NSMAF: variants seen among roughly 807,000 people sequenced by gnomAD.
NSMAF encodes neutral sphingomyelinase activation associated factor.
Under a neutral mutation model 134.9 loss-of-function variants are expected in NSMAF, and 90 were observed. The ratio of observed to expected loss-of-function variants is 0.67; its 90% CI spans 0.56 to 0.79. The LOEUF (loss-of-function observed/expected upper bound fraction) is 0.79. NSMAF is among the 30% of genes least tolerant of loss of function. The pLI is 0.00. For synonymous variants in NSMAF, 358 were observed against 389.6 expected (o/e 0.92, Z 0.96); for missense variants, 1,010 against 1,119.0 (o/e 0.90, Z 1.39).
chr8:58,603,750 T>C (rs577152604), intron 12 of NSMAF, among the ~76,000 whole-genome samples: 4 of 152,306 alleles, frequency 2.6e-5, no homozygotes, highest in African/African-American at 9.6e-5. Context: ...TAAAAACCCA[T>C]GGCCATCTGG....
chr8:58,594,262 T>C lies in NSMAF; in HGVS notation c.1921A>G (p.Asn641Asp), dbSNP rs568917392. Residue 641 changes from asparagine to aspartate, a missense_variant, in exon 23 of 31, where the codon AAT becomes GAT. Transcript: ENST00000038176. Reference protein sequence around the residue: ...EAVTGITVSRNGSSVFTTSQD... With the variant: ...EAVTGITVSRDGSSVFTTSQD... ...GATGTTGTGAATACTGAAGATCCAT[T>C]GCGAGAGACCGTGATTCCAGTAACT... 4 of 1,614,230 alleles carry C rather than the reference T, an allele frequency of 2.5e-6. No individual in the cohort carries two copies. The African/African-American group carries it at 4.0e-5, about 16-fold the overall frequency.
intron 9 of NSMAF, among the ~76,000 whole-genome samples, chr8:58,610,017 C>A (rs1806492054): frequency 6.6e-6 from 1 of 152,068 alleles, no homozygotes; most frequent in South Asian, 2.1e-4. Context: ...TCATTCCCCC[C>A]AAAATAAATA....
rs145717567 is a variant in NSMAF at position 58,600,085 on chromosome 8, T to A, written c.1281-64A>T. The A allele has an allele frequency of 1.5e-3, 1,735 of 1,196,368 alleles. 21 individuals carry two copies. In the African/African-American group the frequency reaches 0.023, roughly 16 times the overall value. 74.1% of individuals were successfully genotyped at this position (1,196,368 alleles called of 1,614,324 possible). ...GAAATAGCAATAGCAGCATTTCCTA[T>A]GCACTTGGGGGCTGTTCTACACTTT... On this transcript the variant is annotated intron_variant, in intron 16 of 30. Coordinates refer to ENST00000038176, the MANE Select transcript of NSMAF (RefSeq NM_003580.4).
In NSMAF at chr8:58,635,454, T is replaced by TA; in HGVS notation, c.228+13dup. On this transcript the variant is annotated intron_variant, in intron 3 of 30. Coordinates refer to ENST00000038176, the MANE Select transcript of NSMAF (RefSeq NM_003580.4). The stretch of plus-strand genomic sequence containing the variant: ...AAATAGGAATGTTTCTGTTCATATT[T>TA]AAAATGTATTTACCTTGATGATGGG... The TA allele has an allele frequency of 6.3e-7, 1 of 1,584,112 alleles. No individual in the cohort carries two copies. Among genetic ancestry groups the TA allele is most frequent in the Non-Finnish European group, 8.6e-7 (1 of 1,163,850 alleles).
chr8:58,654,427 G>A (rs1807655859), intron 1 of NSMAF, among the ~76,000 whole-genome samples: 3 of 152,196 alleles, frequency 2.0e-5, no homozygotes, highest in Non-Finnish European at 4.4e-5. Context: ...GCGCATGCCT[G>A]TAATCTCAGC....
chr8:58,595,086 G>A (rs1184218928), intron 22 of NSMAF, among the ~76,000 whole-genome samples: 1 of 152,124 alleles, frequency 6.6e-6, no homozygotes, highest in African/African-American at 2.4e-5. Context: ...GGGTCCAACA[G>A]CAAGCCCAAT....
At chr8:58,602,195 A>G in intron 13 of NSMAF, 58 bp from the exon 14 acceptor site, 2 of 1,290,166 alleles carry the variant, frequency 1.6e-6, no homozygotes, top group Non-Finnish European at 2.2e-6. Flanking sequence ...TAACCTCCTG[A>G]ATTAATTCAA....
intron 21 of NSMAF, among the ~76,000 whole-genome samples, chr8:58,596,797 G>A (rs1049907338): frequency 5.3e-5 from 8 of 151,938 alleles, no homozygotes; most frequent in South Asian, 2.1e-4. Context: ...GCGTGGTGGC[G>A]GGCGCCTGTA....
intron 9 of NSMAF, among the ~76,000 whole-genome samples, chr8:58,620,804 G>A (rs1486908666): frequency 2.6e-5 from 4 of 152,182 alleles, no homozygotes; most frequent in East Asian, 1.9e-4. Flanking sequence ...CAGTTAGACC[G>A]AGGAGAGCTA....
chr8:58,600,594 C>T (rs1203041783), intron 16 of NSMAF, among the ~76,000 whole-genome samples: 3 of 129,820 alleles, frequency 2.3e-5, no homozygotes, highest in Non-Finnish European at 4.6e-5. Flanking sequence ...TGTACTCCAG[C>T]CTGGGCGACA....
At position 58,612,940 on chromosome 8, in the gene NSMAF, T is replaced by C. The variant is rs375508268; in HGVS notation, c.558-3207A>G. On this transcript the variant is annotated intron_variant, in intron 9 of 30. Coordinates refer to ENST00000038176, the MANE Select transcript of NSMAF (RefSeq NM_003580.4). ...AATGGAATGACAATCTTTAAAGGGG[T>C]AAGAAACCTGTCAACCTAGAATTCT... Among the ~76,000 whole-genome samples the C allele has an allele frequency of 2.6e-5, 4 of 152,048 alleles. No individual in the cohort carries two copies. In the East Asian group the frequency reaches 7.7e-4, roughly 29 times the overall value.
rs755153430 is a variant in NSMAF, at chr8:58,601,241, A to G, written c.1280+44T>C. 23 of 1,475,378 alleles carry G rather than the reference A, an allele frequency of 1.6e-5. No individual in the cohort carries two copies. The Middle Eastern group carries it at 5.2e-4, about 33-fold the overall frequency. The allele number at this position is 1,475,378 out of a possible 1,614,324, so 91.4% of individuals were successfully genotyped here. On this transcript the variant is annotated intron_variant, in intron 16 of 30. Coordinates refer to ENST00000038176, the MANE Select transcript of NSMAF (RefSeq NM_003580.4). ...GAAACAAGTATGTTGTATATATACA[A>G]TCAGAAAGTGTTAAAAATGATAAGC...
chr8:58,601,615 G>T (rs1002692489), intron 14 of NSMAF, 80 bp from the exon 15 acceptor site: 2 of 1,491,800 alleles, frequency 1.3e-6, no homozygotes, highest in South Asian at 1.3e-5. Context: ...AAGCCTAAAA[G>T]AAATCATAAC....
At chr8:58,649,007 C>A (rs1029480120) in intron 1 of NSMAF, among the ~76,000 whole-genome samples, 1 of 152,224 alleles carries the variant, frequency 6.6e-6, no homozygotes, top group African/African-American at 2.4e-5. Context: ...AATGGTAGAG[C>A]CATCAGCAAC....
chr8:58,659,360 CCG>C, intron 1 of NSMAF: 1 of 1,525,388 alleles, frequency 6.6e-7, no homozygotes, highest in Non-Finnish European at 8.8e-7. Context: ...GTTCCTGTCC[CCG>C]GCAGGCTCCG....
intron 5 of NSMAF, among the ~76,000 whole-genome samples, chr8:58,632,049 C>T (rs902712681): frequency 4.6e-5 from 7 of 152,154 alleles, no homozygotes; most frequent in African/African-American, 1.7e-4. Flanking sequence ...AGCCATCAAT[C>T]TCCTTGTACC....
intron 1 of NSMAF, among the ~76,000 whole-genome samples, chr8:58,644,693 T>C (rs910969224): frequency 2.0e-5 from 3 of 152,112 alleles, no homozygotes. Context: ...CTGTTCACAA[T>C]AGCAAAGACT....
At chr8:58,645,598 A>G (rs1317838511) in intron 1 of NSMAF, among the ~76,000 whole-genome samples, 1 of 152,164 alleles carries the variant, frequency 6.6e-6, no homozygotes, top group Non-Finnish European at 1.5e-5. Context: ...AGCCTCTAGG[A>G]TGAAAGAACA....
chr8:58,584,078 A>G lies in NSMAF; in HGVS notation c.*28T>C, dbSNP rs1563520614. ...TTAAAAATGCATTAAATAGAGTTCA[A>G]TTTAATATTCAGGAGAGGAAAAGGC... is the stretch of plus-strand genomic sequence containing the variant. On this transcript the variant is annotated 3_prime_UTR_variant, in exon 31 of 31. Coordinates refer to ENST00000038176, the MANE Select transcript of NSMAF (RefSeq NM_003580.4). The G allele has an allele frequency of 6.5e-7, 1 of 1,527,730 alleles. No homozygotes were observed. The highest frequency in any genetic ancestry group is 9.1e-7 in the Non-Finnish European group (1 of 1,101,520). The allele number at this position is 1,527,730 out of a possible 1,614,324, so 94.6% of individuals were successfully genotyped here. A position where few individuals can be genotyped will look rare whatever the true frequency, so the allele number is the denominator to read the frequency against.
Sources: gnomAD v4.1 joint callset for allele counts (sites outside exome capture counted in the v4.1 genomes callset) on GRCh38, gnomAD v4.1.1 for gene constraint, MANE v1.5 for transcripts, NCBI Gene and HGNC (gene_info 2026-07-23, HGNC 2026-07-21) for gene names.